NECAB1: variants seen among roughly 807,000 people sequenced by gnomAD.
NECAB1 encodes the protein N-terminal EF-hand calcium-binding protein 1.
In NECAB1, 29 loss-of-function variants were observed where a neutral mutation model predicts 57.5. The observed-to-expected ratio is 0.50, with a 90% confidence interval of 0.38 to 0.69. NECAB1 has a LOEUF of 0.69. Ranked by LOEUF, NECAB1 falls within the 30% of genes least tolerant of loss-of-function variation. The pLI, the probability that NECAB1 is intolerant of heterozygous loss-of-function variation, is 0.00. For synonymous variants in NECAB1, 142 were observed against 147.7 expected (o/e 0.96, Z 0.28); for missense variants, 372 against 413.8 (o/e 0.90, Z 0.88).
At chr8:90,889,138 A>AAATAAT (rs201192606) in intron 5 of NECAB1, among the ~76,000 whole-genome samples, 1 of 152,058 alleles carries the variant, frequency 6.6e-6, no homozygotes, top group Non-Finnish European at 1.5e-5. Flanking sequence ...TTATGAACCA[A>AAATAAT]AATAATAATA....
Position 90,925,589 on chromosome 8 carries a change from A to C in NECAB1, c.549A>C (p.Ser183=). The change falls in exon 7 of 13, where the codon TCA becomes TCC. Residue 183 remains serine (S), a synonymous_variant. Transcript: ENST00000417640. ...CGATTCAATGGCCTGGAAAACGATC[A>C]AGCCGCCGAGTCCAGAGACACAACA... is the stretch of plus-strand genomic sequence containing the variant. ...VLSIQWPGKR[S]SRRVQRHNSF... 1 of 1,613,608 alleles carries C rather than the reference A, an allele frequency of 6.2e-7. No individual in the cohort carries two copies. Among genetic ancestry groups the C allele is most frequent in the Middle Eastern group, 1.7e-4 (1 of 6,060 alleles).
chr8:90,881,524 T>C (rs1174126142), intron 5 of NECAB1, among the ~76,000 whole-genome samples: 1 of 152,198 alleles, frequency 6.6e-6, no homozygotes, highest in Non-Finnish European at 1.5e-5. Context: ...TCTCCTGATG[T>C]TGAATGAGTG....
chr8:90,904,003 A>G (rs970122758), intron 5 of NECAB1: 1 of 152,196 alleles, frequency 6.6e-6, no homozygotes, highest in African/African-American at 2.4e-5. Context: ...AGTTACCCCT[A>G]GTGATCCAGG....
intron 3 of NECAB1, among the ~76,000 whole-genome samples, chr8:90,851,190 A>G (rs901193588): frequency 3.9e-5 from 6 of 152,232 alleles, no homozygotes; most frequent in Non-Finnish European, 7.3e-5. Flanking sequence ...CACTGCCCTC[A>G]ATACCTTGTC....
intron 3 of NECAB1, among the ~76,000 whole-genome samples, chr8:90,862,802 G>T (rs1808425565): frequency 1.6e-5 from 1 of 60,924 alleles, no homozygotes; most frequent in Admixed American, 2.1e-4. Flanking sequence ...TTTTTACAAA[G>T]TATTTCCCTT....
intron 4 of NECAB1, among the ~76,000 whole-genome samples, chr8:90,873,336 A>G (rs923215039): frequency 6.6e-6 from 1 of 152,216 alleles, no homozygotes. Context: ...AAATCATGCC[A>G]TTCTTTCAGA....
chr8:90,845,854 A>G (rs1157475890), intron 3 of NECAB1, among the ~76,000 whole-genome samples: 4 of 152,232 alleles, frequency 2.6e-5, no homozygotes, highest in Non-Finnish European at 5.9e-5. Context: ...TTTAAACAGC[A>G]GGGTGGTTTT....
At chr8:90,861,654 T>C (rs1808383984) in intron 3 of NECAB1, among the ~76,000 whole-genome samples, 1 of 152,230 alleles carries the variant, frequency 6.6e-6, no homozygotes, top group Non-Finnish European at 1.5e-5. Context: ...ATACTAATTA[T>C]GTATTAAGCA....
intron 3 of NECAB1, among the ~76,000 whole-genome samples, chr8:90,860,115 T>C (rs1386108): frequency 6.6e-6 from 1 of 151,950 alleles, no homozygotes; most frequent in Non-Finnish European, 1.5e-5. Flanking sequence ...TTTTCGTGCA[T>C]GTTAAAATAA....
intron 2 of NECAB1, among the ~76,000 whole-genome samples, chr8:90,809,523 A>C (rs1381057181): frequency 6.6e-6 from 1 of 152,234 alleles, no homozygotes; most frequent in Non-Finnish European, 1.5e-5. Flanking sequence ...ATATATAATT[A>C]GCAGATTTGG....
chr8:90,824,907 A>T, intron 3 of NECAB1, 82 bp downstream of exon 3: 1 of 709,016 alleles, frequency 1.4e-6, no homozygotes, highest in Non-Finnish European at 2.3e-6. Context: ...GAAGAAAGGG[A>T]AGAACAATAT....
At chr8:90,870,467 C>T (rs1005546702) in intron 3 of NECAB1, among the ~76,000 whole-genome samples, 1 of 152,134 alleles carries the variant, frequency 6.6e-6, no homozygotes, top group Non-Finnish European at 1.5e-5. Context: ...ACTAAAAAAA[C>T]TACTCGGTTT....
intron 4 of NECAB1, among the ~76,000 whole-genome samples, chr8:90,876,715 G>A (rs150251825): frequency 2.4e-4 from 37 of 152,168 alleles, no homozygotes; most frequent in African/African-American, 6.7e-4. Context: ...ATATCCATGA[G>A]AATATAGCCT....
At chr8:90,830,073 T>C (rs1812279614) in intron 3 of NECAB1, among the ~76,000 whole-genome samples, 1 of 152,052 alleles carries the variant, frequency 6.6e-6, no homozygotes, top group Admixed American at 6.6e-5. Context: ...CCCCTTTCTT[T>C]CTTGAGTTAT....
chr8:90,917,584 G>A lies in NECAB1; in HGVS notation c.450G>A (p.Leu150=), dbSNP rs1372148219. Residue 150 remains leucine (L), a synonymous_variant, in exon 6 of 13, where the codon CTG becomes CTA. Coordinates refer to ENST00000417640, the MANE Select transcript of NECAB1 (RefSeq NM_022351.5). ...LNQLQSLQNS[L]ECAMETTEEQ... is the part of the protein sequence containing the mutation. The stretch of plus-strand genomic sequence containing the variant: ...AGCTGCAGTCTCTCCAGAATTCCCT[G>A]GAATGTGCCATGGAAACTACTGAGG... 3.1e-6 allele frequency: 5 copies of A among 1,611,154 alleles called. No individual in the cohort carries two copies. Among genetic ancestry groups the A allele is most frequent in the Non-Finnish European group, 4.2e-6 (5 of 1,178,514 alleles).
chr8:90,925,553 A>G lies in NECAB1; in HGVS notation c.513A>G (p.Pro171=), dbSNP rs767547040. ...TRQERQGPAK[P]EVLSIQWPGK... is the part of the protein sequence containing the mutation. ...GATCAAGGCAAGGGCCAGCCAAGCC[A>G]GAAGTCCTGTCGATTCAATGGCCTG... The change falls in exon 7 of 13, where the codon CCA becomes CCG. Residue 171 remains proline (P), a synonymous_variant. Coordinates refer to ENST00000417640, the MANE Select transcript of NECAB1 (RefSeq NM_022351.5). 3.9e-4 allele frequency: 622 copies of G among 1,613,064 alleles called. 1 individual carries two copies. The highest frequency in any genetic ancestry group is 8.5e-4 in the Admixed American group (51 of 59,876).
rs113060790 is a variant in NECAB1 at position 90,889,452 on chromosome 8, T to C, written c.357+8322T>C. ...TTGAGAAGATGACAAAAATTATGGC[T>C]GAGAAGACAGAAAATATATTGAAGG... is the stretch of plus-strand genomic sequence containing the variant. On this transcript the variant is annotated intron_variant, in intron 5 of 12. Coordinates refer to ENST00000417640, the MANE Select transcript of NECAB1 (RefSeq NM_022351.5). Among the ~76,000 whole-genome samples the C allele has an allele frequency of 4.4e-3, 663 of 152,328 alleles. 2 individuals are homozygous for C. Among genetic ancestry groups the C allele is most frequent in the African/African-American group, 0.015 (630 of 41,576 alleles).
At chr8:90,800,225 A>C (rs1811738777) in intron 1 of NECAB1, among the ~76,000 whole-genome samples, 1 of 152,158 alleles carries the variant, frequency 6.6e-6, no homozygotes, top group African/African-American at 2.4e-5. Context: ...TGAGTTTTCT[A>C]GGTATAAGAT....
In NECAB1 at chr8:90,947,325, C is replaced by T. The variant is rs924030660; in HGVS notation, c.861-2482C>T. Among the ~76,000 whole-genome samples, 968 of 148,968 alleles carry T rather than the reference C, an allele frequency of 6.5e-3. 24 individuals are homozygous for T. Among genetic ancestry groups the T allele is most frequent in the East Asian group, 0.019 (95 of 4,996 alleles). On this transcript the variant is annotated intron_variant, in intron 10 of 12. Transcript: ENST00000417640. ...ACATACACACACACACACACACACA[C>T]ACACACACACACACACACACACACA...
Sources: gnomAD v4.1 joint callset for allele counts (sites outside exome capture counted in the v4.1 genomes callset) on GRCh38, gnomAD v4.1.1 for gene constraint, MANE v1.5 for transcripts, NCBI Gene and HGNC (gene_info 2026-07-23, HGNC 2026-07-21) for gene names.